Variants in PEX5L observed in about 807,000 individuals in gnomAD.
PEX5L encodes the protein peroxisomal biogenesis factor 5 like.
PEX5L carries 30 observed loss-of-function variants against 84.0 expected under a neutral mutation model. That is an observed-to-expected ratio of 0.36 (90% CI 0.27 to 0.48). The LOEUF (loss-of-function observed/expected upper bound fraction) is 0.48, where lower values mean the gene tolerates loss of function less well. Ranked by LOEUF, PEX5L falls within the 20% of genes least tolerant of loss-of-function variation. The pLI is 0.99. For missense variants in PEX5L, 533 were observed against 754.6 expected (o/e 0.71, Z 3.44); for synonymous variants, 270 against 283.1 (o/e 0.95, Z 0.46).
intron 1 of PEX5L, among the ~76,000 whole-genome samples, chr3:180,029,289 A>G (rs975231475): frequency 1.3e-5 from 2 of 152,138 alleles, no homozygotes; most frequent in African/African-American, 2.4e-5. Context: ...TCAGCCTCCC[A>G]AAGTGCTGGG....
chr3:179,984,238 C>A (rs1007276350), intron 1 of PEX5L, among the ~76,000 whole-genome samples: 1 of 151,966 alleles, frequency 6.6e-6, no homozygotes, highest in Non-Finnish European at 1.5e-5. Flanking sequence ...ATGGAAAAAT[C>A]TACTGCAAAA....
chr3:179,951,147 G>C (rs1256399875), intron 2 of PEX5L, among the ~76,000 whole-genome samples: 1 of 152,134 alleles, frequency 6.6e-6, no homozygotes, highest in Non-Finnish European at 1.5e-5. Context: ...ATCGAGCTTT[G>C]TGACTTTATA....
At chr3:179,960,632 CT>C (rs2110093337) in intron 2 of PEX5L, among the ~76,000 whole-genome samples, 1 of 152,154 alleles carries the variant, frequency 6.6e-6, no homozygotes, top group East Asian at 1.9e-4. Flanking sequence ...GCTCATTCAT[CT>C]AGACAAAAAC....
At chr3:179,814,345 C>T (rs907967272) in intron 10 of PEX5L, among the ~76,000 whole-genome samples, 16 of 152,278 alleles carry the variant, frequency 1.1e-4, no homozygotes, top group African/African-American at 3.9e-4. Flanking sequence ...ATCCTTGCAA[C>T]ACCCAATGAG....
At chr3:179,922,347 GA>G (rs1390469070) in intron 2 of PEX5L, among the ~76,000 whole-genome samples, 1 of 152,130 alleles carries the variant, frequency 6.6e-6, no homozygotes, top group Non-Finnish European at 1.5e-5. Context: ...ACAACAGCAG[GA>G]TGTAAGATAA....
At chr3:179,904,048 G>C (rs1021152794) in intron 2 of PEX5L, among the ~76,000 whole-genome samples, 1 of 152,168 alleles carries the variant, frequency 6.6e-6, no homozygotes, top group African/African-American at 2.4e-5. Context: ...TCAGTGATCT[G>C]TTTGCAGCTG....
intron 2 of PEX5L, among the ~76,000 whole-genome samples, chr3:179,967,989 A>G (rs1191638140): frequency 6.6e-6 from 1 of 152,138 alleles, no homozygotes; most frequent in African/African-American, 2.4e-5. Context: ...TTCCCCTTGT[A>G]ACTGGCTGAA....
intron 7 of PEX5L, among the ~76,000 whole-genome samples, chr3:179,868,042 CTTTT>C (rs71628101): frequency 2.2e-4 from 26 of 116,374 alleles, no homozygotes; most frequent in African/African-American, 6.4e-4. Flanking sequence ...TCTTCTTCTT[CTTTT>C]TTTTTTTTTT....
chr3:179,882,246 A>C (rs190069036), intron 4 of PEX5L, among the ~76,000 whole-genome samples: 4 of 152,370 alleles, frequency 2.6e-5, no homozygotes, highest in African/African-American at 9.6e-5. Flanking sequence ...TAGGAAGTAC[A>C]TTTGTTATGG....
intron 1 of PEX5L, among the ~76,000 whole-genome samples, chr3:179,989,893 T>G (rs1345068796): frequency 6.6e-6 from 1 of 152,224 alleles, no homozygotes; most frequent in Non-Finnish European, 1.5e-5. Flanking sequence ...ATATGTTATT[T>G]TATACCATAA....
At chr3:179,990,824 G>A (rs1787315293) in intron 1 of PEX5L, among the ~76,000 whole-genome samples, 1 of 152,132 alleles carries the variant, frequency 6.6e-6, no homozygotes, top group Admixed American at 6.5e-5. Flanking sequence ...AGACTCCTGA[G>A]GTAAGTACTC....
At position 179,808,431 on chromosome 3, in the gene PEX5L, A is replaced by G; in HGVS notation, c.1359T>C (p.Val453=). ...GATATAATTCCTTCACCCCTTCCAG[A>G]ACAGAGCTACAAGAGAAAAAAAAAA... The part of the protein sequence containing the change: ...RMSKSPVDSS[V]LEGVKELYLE... Residue 453 remains valine, a synonymous_variant, in exon 13 of 15, where the codon GTT becomes GTC. Coordinates refer to ENST00000467460, the MANE Select transcript of PEX5L (RefSeq NM_016559.3). The G allele has an allele frequency of 6.6e-7, 1 of 1,510,274 alleles. No individual in the cohort carries two copies. The allele number at this position is 1,510,274 out of a possible 1,614,324, so 93.6% of individuals were successfully genotyped here. A position where few individuals can be genotyped will look rare whatever the true frequency, so the allele number is the denominator to read the frequency against.
chr3:179,809,699 T>C, intron 11 of PEX5L, 31 bp from the exon 12 acceptor site: 1 of 1,545,648 alleles, frequency 6.5e-7, no homozygotes, highest in Non-Finnish European at 8.7e-7. Flanking sequence ...AATTTCAGAT[T>C]TTTTTTTGAG....
intron 1 of PEX5L, among the ~76,000 whole-genome samples, chr3:180,017,914 T>C (rs116695926): frequency 3.8e-4 from 58 of 152,318 alleles, no homozygotes; most frequent in Admixed American, 7.2e-4. Flanking sequence ...AGATGAAGAA[T>C]GAGGACTCAG....
intron 2 of PEX5L, among the ~76,000 whole-genome samples, chr3:179,925,268 A>C (rs921947769): frequency 6.6e-6 from 1 of 152,228 alleles, no homozygotes; most frequent in African/African-American, 2.4e-5. Flanking sequence ...TTAAAAAGGC[A>C]TCCAGTAGAA....
intron 1 of PEX5L, among the ~76,000 whole-genome samples, chr3:180,021,825 T>C (rs6809015): frequency 0.15 from 23,390 of 152,208 alleles, 2,310 homozygotes; most frequent in African/African-American, 0.28. Context: ...AGGATGAGCA[T>C]AGATGCTTAG....
At chr3:180,010,048 A>G (rs1789287799) in intron 1 of PEX5L, among the ~76,000 whole-genome samples, 1 of 152,032 alleles carries the variant, frequency 6.6e-6, no homozygotes, top group Non-Finnish European at 1.5e-5. Flanking sequence ...GGTTCATGCC[A>G]TTCTCCTGCC....
intron 4 of PEX5L, among the ~76,000 whole-genome samples, chr3:179,883,404 A>G (rs1754775353): frequency 6.6e-6 from 1 of 152,186 alleles, no homozygotes. Flanking sequence ...TGTCTTCTTC[A>G]CTTTAGTTCA....
chr3:179,990,443 G>C (rs1451765517), intron 1 of PEX5L, among the ~76,000 whole-genome samples: 4 of 151,780 alleles, frequency 2.6e-5, no homozygotes, highest in Non-Finnish European at 5.9e-5. Context: ...CTGTTGCCCA[G>C]GCTAGAGTGC....
Sources: gnomAD v4.1 joint callset for allele counts (sites outside exome capture counted in the v4.1 genomes callset) on GRCh38, gnomAD v4.1.1 for gene constraint, MANE v1.5 for transcripts, NCBI Gene and HGNC (gene_info 2026-07-23, HGNC 2026-07-21) for gene names.